KALRN: variants seen among roughly 807,000 people sequenced by gnomAD.
KALRN encodes the protein kalirin RhoGEF kinase.
In KALRN, 70 loss-of-function variants were observed where a neutral mutation model predicts 353.7. The observed-to-expected ratio is 0.20, with a 90% CI of 0.16 to 0.24. KALRN has a LOEUF of 0.24. Among genes scored for constraint, KALRN ranks in the 10% least tolerant of loss-of-function variants. The pLI is 1.00. For synonymous variants in KALRN, 1,391 were observed against 1,434.8 expected (o/e 0.97, Z 0.69); for missense variants, 2,791 against 3,756.7 (o/e 0.74, Z 6.72).
intron 33 of KALRN, among the ~76,000 whole-genome samples, chr3:124,540,468 G>A (rs182575936): frequency 9.7e-4 from 148 of 152,246 alleles, no homozygotes; most frequent in Non-Finnish European, 1.7e-3. Flanking sequence ...TGATAACATG[G>A]TTACCATAGG....
chr3:124,230,872 C>CA (rs35463459), intron 2 of KALRN, among the ~76,000 whole-genome samples: 57,531 of 128,538 alleles, frequency 0.45, 12,181 homozygotes, highest in Admixed American at 0.51. Flanking sequence ...AAAAAAAAAA[C>CA]AAAAAAAAAA....
intron 37 of KALRN, among the ~76,000 whole-genome samples, chr3:124,642,974 C>A (rs189382712): frequency 3.5e-3 from 538 of 151,930 alleles, no homozygotes; most frequent in Non-Finnish European, 6.1e-3. Flanking sequence ...TGCGCCACCA[C>A]ACCAAGCTAA....
At chr3:124,711,332 A>C (rs1295147418) in intron 57 of KALRN, among the ~76,000 whole-genome samples, 1 of 152,162 alleles carries the variant, frequency 6.6e-6, no homozygotes, top group Non-Finnish European at 1.5e-5. Flanking sequence ...TTATTAGCAC[A>C]TTATTTTATG....
intron 21 of KALRN, among the ~76,000 whole-genome samples, chr3:124,447,301 A>G (rs115509201): frequency 3.3e-5 from 5 of 152,284 alleles, no homozygotes; most frequent in African/African-American, 1.2e-4. Flanking sequence ...GCTAGTGACT[A>G]TATATGGGTA....
rs116779646 is a variant in KALRN, at chr3:124,348,384, G to A, written c.1770+1119G>A. On this transcript the variant is annotated intron_variant, in intron 10 of 59. Transcript: ENST00000682506. ...ATGTGCTATGGATGCAAAAAGAGAT[G>A]GCATGTCAACAACCAAGCAAGAACA... Among the ~76,000 whole-genome samples the A allele has an allele frequency of 1.4e-3, 210 of 152,276 alleles. 1 individual carries two copies. Among genetic ancestry groups the A allele is most frequent in the African/African-American group, 4.8e-3 (199 of 41,564 alleles).
chr3:124,665,336 A>C (rs1005112978), intron 45 of KALRN, among the ~76,000 whole-genome samples: 2 of 152,232 alleles, frequency 1.3e-5, no homozygotes, highest in Admixed American at 1.3e-4. Flanking sequence ...GAAGCTGTGA[A>C]GATGTCTCTG....
At chr3:124,283,639 G>A (rs1383733246) in intron 5 of KALRN, among the ~76,000 whole-genome samples, 1 of 151,932 alleles carries the variant, frequency 6.6e-6, no homozygotes, top group African/African-American at 2.4e-5. Flanking sequence ...CTCATAGGCT[G>A]GAAATAAAAT....
chr3:124,245,654 T>C (rs1324703555), intron 3 of KALRN, among the ~76,000 whole-genome samples: 1 of 99,354 alleles, frequency 1.0e-5, no homozygotes, highest in East Asian at 2.1e-4. Context: ...GCATCTGTTA[T>C]TTTCTGTTTT....
chr3:124,287,808 T>A (rs2076066840), intron 5 of KALRN, among the ~76,000 whole-genome samples: 3 of 22,710 alleles, frequency 1.3e-4, no homozygotes, highest in Admixed American at 4.4e-4. Flanking sequence ...TATATATATA[T>A]ATATATATAT....
intron 34 of KALRN, among the ~76,000 whole-genome samples, chr3:124,629,816 C>CTCTCTG (rs2080552589): frequency 7.5e-5 from 1 of 13,274 alleles, no homozygotes; most frequent in East Asian, 0.012. Flanking sequence ...CTCTCTCTGT[C>CTCTCTG]TCTCTCTCTC....
At chr3:124,455,118 G>A (rs1560995517) in intron 21 of KALRN, 59 bp from the exon 22 acceptor site, 3 of 1,578,326 alleles carry the variant, frequency 1.9e-6, no homozygotes, top group African/African-American at 2.7e-5. Flanking sequence ...AGAGGATTTG[G>A]GGTGAAGGGG....
chr3:124,076,412 C>A (rs1382382723), intron 1 of KALRN, among the ~76,000 whole-genome samples: 1 of 152,164 alleles, frequency 6.6e-6, no homozygotes, highest in African/African-American at 2.4e-5. Context: ...GCTTCTCTGA[C>A]TGTGTCCAAG....
At chr3:124,437,266 A>G (rs2093501788) in intron 17 of KALRN, among the ~76,000 whole-genome samples, 1 of 152,218 alleles carries the variant, frequency 6.6e-6, no homozygotes, top group Admixed American at 6.5e-5. Flanking sequence ...TAGAGAAGTC[A>G]CCTCAAGTTT....
rs547349064 is a variant in KALRN, at chr3:124,156,643, G to A, written c.74-71347G>A. ...GTTCTTAAGTATCTTGAGATGCTTC[G>A]CTGCTGCCCCAGGATCTGCCATTGA... On this transcript the variant is annotated intron_variant, in intron 1 of 59. Coordinates refer to ENST00000682506, the MANE Select transcript of KALRN (RefSeq NM_001388419.1). Among the ~76,000 whole-genome samples, 8 of 152,282 alleles carry A rather than the reference G, an allele frequency of 5.3e-5. No individual in the cohort carries two copies. In the East Asian group the frequency reaches 9.7e-4, roughly 18 times the overall value.
intron 25 of KALRN, among the ~76,000 whole-genome samples, chr3:124,472,409 G>C (rs968841448): frequency 6.6e-6 from 1 of 152,186 alleles, no homozygotes; most frequent in African/African-American, 2.4e-5. Context: ...AAGGGCCCAG[G>C]CTGGGCACGG....
intron 1 of KALRN, among the ~76,000 whole-genome samples, chr3:124,070,126 G>A (rs1190176787): frequency 3.9e-5 from 6 of 152,182 alleles, no homozygotes; most frequent in African/African-American, 1.4e-4. Flanking sequence ...ATTACAGTTA[G>A]TACAGTTAGC....
chr3:124,593,089 T>C (rs533491517), intron 34 of KALRN, among the ~76,000 whole-genome samples: 1 of 152,304 alleles, frequency 6.6e-6, no homozygotes, highest in East Asian at 1.9e-4. Flanking sequence ...CAGCATCTGG[T>C]GTGTCATCAG....
chr3:124,248,585 GGTGAC>G (rs1415876151), intron 3 of KALRN, among the ~76,000 whole-genome samples: 1 of 152,234 alleles, frequency 6.6e-6, no homozygotes, highest in Admixed American at 6.5e-5. Context: ...TGTCAGCCAT[GGTGAC>G]TCAGCAAGGA....
chr3:124,099,089 G>A (rs2061655180), intron 1 of KALRN, among the ~76,000 whole-genome samples: 1 of 152,126 alleles, frequency 6.6e-6, no homozygotes, highest in Admixed American at 6.5e-5. Flanking sequence ...CCATCACCTC[G>A]AACGTTTCTT....
Sources: gnomAD v4.1 joint callset for allele counts (sites outside exome capture counted in the v4.1 genomes callset) on GRCh38, gnomAD v4.1.1 for gene constraint, MANE v1.5 for transcripts, NCBI Gene and HGNC (gene_info 2026-07-23, HGNC 2026-07-21) for gene names.